Variants in HEATR4 observed in about 807,000 individuals in gnomAD.
The protein encoded by HEATR4 is HEAT repeat-containing protein 4.
Under a neutral mutation model 108.8 loss-of-function variants are expected in HEATR4, and 95 were observed. The observed-to-expected ratio is 0.87, with a 90% CI of 0.74 to 1.04. HEATR4 has a LOEUF of 1.04. HEATR4 is among the 50% of genes least tolerant of loss of function. The pLI is 0.00. For synonymous variants in HEATR4, 443 were observed against 459.4 expected (o/e 0.96, Z 0.46); for missense variants, 1,152 against 1,253.8 (o/e 0.92, Z 1.23).
chr14:73,503,200 A>G (rs1026818942), intron 10 of HEATR4, among the ~76,000 whole-genome samples, 187 bp from the exon 11 acceptor site: 1 of 152,176 alleles, frequency 6.6e-6, no homozygotes, highest in Non-Finnish European at 1.5e-5. Flanking sequence ...TTTACAGATG[A>G]TAGAATGGAG....
chr14:73,612,326 T>C, the HEATR4 span, among the ~76,000 whole-genome samples: 1 of 152,186 alleles, frequency 6.6e-6, no homozygotes, highest in Non-Finnish European at 1.5e-5. Context: ...ACAGGCGTGA[T>C]CCACCGCCCC....
chr14:73,607,690 C>G, the HEATR4 span, among the ~76,000 whole-genome samples: 1 of 151,986 alleles, frequency 6.6e-6, no homozygotes, highest in Admixed American at 6.6e-5. Context: ...ATGGAGCGAT[C>G]TGGGCTCACT....
intron 14 of HEATR4, among the ~76,000 whole-genome samples, chr14:73,497,374 T>C (rs1237371376): frequency 2.0e-5 from 3 of 152,112 alleles, no homozygotes; most frequent in Non-Finnish European, 4.4e-5. Flanking sequence ...ATAGGTACCA[T>C]TTACTGAACA....
the HEATR4 span, among the ~76,000 whole-genome samples, chr14:73,607,351 GGCCCCTTTTA>G: frequency 3.9e-5 from 6 of 152,148 alleles, no homozygotes; most frequent in Non-Finnish European, 5.9e-5. Context: ...ACTGTACCTT[GGCCCCTTTTA>G]GCCAGGGCTG....
the HEATR4 span, among the ~76,000 whole-genome samples, chr14:73,570,971 A>G: frequency 7.7e-6 from 1 of 129,216 alleles, no homozygotes; most frequent in African/African-American, 2.9e-5. Flanking sequence ...TTGACTAGGA[A>G]GCCACTTTTT....
chr14:73,548,091 G>C lies in HEATR4; in HGVS notation c.-152+10660C>G, dbSNP rs1237087208. On this transcript the variant is annotated intron_variant, in intron 1 of 17. Coordinates refer to ENST00000553558, the MANE Select transcript of HEATR4 (RefSeq NM_001220484.1). ...CTATAGGCACTTGCCACCATGCCCA[G>C]CTAATTTTTAATTTTTTGCAGAAAC... 2.6e-5 allele frequency among the ~76,000 whole-genome samples: 3 copies of C among 114,348 alleles called. 1 individual carries two copies. Among genetic ancestry groups the C allele is most frequent in the Non-Finnish European group, 5.7e-5 (3 of 52,532 alleles). The allele number at this position is 114,348 out of a possible 152,430, so 75.0% of individuals were successfully genotyped here.
chr14:73,502,946 G>T lies in HEATR4; in HGVS notation c.2054C>A (p.Ala685Glu). ...DWNKEVRRAA[A>E]QALGQMSLGK... The stretch of plus-strand genomic sequence containing the variant: ...GAGGCTCATTTGCCCAAGCGCCTGT[G>T]CAGCTGCTCTCCTCACTTCCTTATT... Residue 685 changes from alanine to glutamate, a missense_variant, in exon 11 of 18, where the codon GCA becomes GAA. Ala to Glu is a moderately radical substitution (Grantham distance 107). Transcript: ENST00000553558. 1 of 1,614,082 alleles carries T rather than the reference G, an allele frequency of 6.2e-7. No homozygotes were observed. Among genetic ancestry groups the T allele is most frequent in the Non-Finnish European group, 8.5e-7 (1 of 1,180,022 alleles).
At chr14:73,571,698 G>A in the HEATR4 span, 4 of 151,992 alleles carry the variant, frequency 2.6e-5, no homozygotes, top group African/African-American at 7.2e-5. Context: ...TGTGCTCATC[G>A]CTGCCGGGGC....
At chr14:73,630,996 T>G in the HEATR4 span, among the ~76,000 whole-genome samples, 2 of 152,232 alleles carry the variant, frequency 1.3e-5, no homozygotes, top group African/African-American at 4.8e-5. Context: ...TTGCAGGTAC[T>G]TACTTTTCAA....
chr14:73,490,755 G>A (rs980965464), intron 17 of HEATR4, among the ~76,000 whole-genome samples: 1 of 152,232 alleles, frequency 6.6e-6, no homozygotes, highest in Non-Finnish European at 1.5e-5. Context: ...GCGCTTGGCC[G>A]CAACTTGATT....
chr14:73,500,602 AC>A lies in HEATR4; in HGVS notation c.2233del (p.Val745PhefsTer24), dbSNP rs1385384985. On this transcript the variant is annotated frameshift_variant, in exon 12 of 18. Coordinates refer to ENST00000553558, the MANE Select transcript of HEATR4 (RefSeq NM_001220484.1). LOFTEE classifies it high-confidence loss of function. ...LHCFSDDFTA[V>X]RRAACLAAGA... is the part of the protein sequence containing the mutation. ...AGCTGCCAAACAGGCTGCCCGCCGA[AC>A]TGCTGTGAAGTCATCAGAGAAGCAG... 2 of 1,613,880 alleles carry A rather than the reference AC, an allele frequency of 1.2e-6. No homozygotes were observed. Among genetic ancestry groups the A allele is most frequent in the Non-Finnish European group, 1.7e-6 (2 of 1,179,976 alleles).
At chr14:73,564,570 C>T in the HEATR4 span, among the ~76,000 whole-genome samples, 1 of 151,938 alleles carries the variant, frequency 6.6e-6, no homozygotes, top group Non-Finnish European at 1.5e-5. Flanking sequence ...CACACCACTG[C>T]ACTCCAGCCT....
At chr14:73,515,148 C>G (rs973822629) in intron 5 of HEATR4, among the ~76,000 whole-genome samples, 1 of 151,656 alleles carries the variant, frequency 6.6e-6, no homozygotes, top group Non-Finnish European at 1.5e-5. Flanking sequence ...TAGAAAGCCT[C>G]TTTCTCAGAA....
the HEATR4 span, among the ~76,000 whole-genome samples, chr14:73,600,038 C>T: frequency 6.6e-6 from 1 of 151,958 alleles, no homozygotes; most frequent in African/African-American, 2.4e-5. Flanking sequence ...GAATATCCTT[C>T]TTCTCAATCT....
chr14:73,498,753 G>A lies in HEATR4; in HGVS notation c.2356+318C>T, dbSNP rs547279159. On this transcript the variant is annotated intron_variant, in intron 13 of 17. Transcript: ENST00000553558. ...GAAACTGATCTGACTTTTGCAGAGC[G>A]TAATAGTTGAGATCTCCAAGGAAAG... is the stretch of plus-strand genomic sequence containing the variant. 5.9e-5 allele frequency among the ~76,000 whole-genome samples: 9 copies of A among 152,306 alleles called. No individual in the cohort carries two copies. In the South Asian group the frequency reaches 8.3e-4, roughly 14 times the overall value.
intron 1 of HEATR4, chr14:73,530,575 A>C (rs1595147457): frequency 8.2e-6 from 1 of 122,280 alleles, no homozygotes; most frequent in Non-Finnish European, 1.8e-5. Flanking sequence ...ACACAGCTAT[A>C]CAGCTGTCTC....
the HEATR4 span, among the ~76,000 whole-genome samples, chr14:73,615,852 G>A: frequency 6.6e-6 from 1 of 152,156 alleles, no homozygotes; most frequent in Non-Finnish European, 1.5e-5. Context: ...GATTGCTTGA[G>A]GCCAGGAGTT....
At chr14:73,602,169 G>T in the HEATR4 span, among the ~76,000 whole-genome samples, 2 of 152,088 alleles carry the variant, frequency 1.3e-5, no homozygotes, top group Non-Finnish European at 2.9e-5. Context: ...TTGAACTCCT[G>T]ACCTTGTGAT....
rs34660727 is a variant in HEATR4, at chr14:73,506,804, G to GTTTTTTTTTTTTTTTTTTT, written c.1882-252_1882-234dup. Among the ~76,000 whole-genome samples the GTTTTTTTTTTTTTTTTTTT allele has an allele frequency of 2.3e-3, 188 of 80,478 alleles. 31 individuals carry two copies. Among genetic ancestry groups the GTTTTTTTTTTTTTTTTTTT allele is most frequent in the East Asian group, 9.8e-3 (17 of 1,738 alleles). The allele number at this position is 80,478 out of a possible 152,430, so 52.8% of individuals were successfully genotyped here. A position where few individuals can be genotyped will look rare whatever the true frequency, so the allele number is the denominator to read the frequency against. On this transcript the variant is annotated intron_variant, in intron 9 of 17. Transcript: ENST00000553558. ...GGACCTTCCTTTCCTGACTTTAACTGTTTTTTTTTTTTTTTTTTTTTCTGA... is the reference window on the plus strand; with the variant it reads ...GGACCTTCCTTTCCTGACTTTAACTGTTTTTTTTTTTTTTTTTTTTTTTTTTTTTTTTTTTTTTTTCTGA...
Sources: allele counts gnomAD v4.1 joint callset (sites outside exome capture counted in the v4.1 genomes callset), GRCh38; gene constraint gnomAD v4.1.1; transcripts MANE v1.5; gene names NCBI Gene and HGNC (gene_info 2026-07-23, HGNC 2026-07-21).